The following TRIP12 variants were observed in gnomAD, a reference collection of about 807,000 sequenced individuals.
TRIP12 encodes thyroid hormone receptor interactor 12.
A neutral mutation model predicts 244.2 loss-of-function variants in TRIP12; 25 were observed. The ratio of observed to expected loss-of-function variants is 0.10; its 90% CI spans 0.07 to 0.14. The LOEUF (loss-of-function observed/expected upper bound fraction) is 0.14. Among genes scored for constraint, TRIP12 ranks in the 10% least tolerant of loss-of-function variants. TRIP12 has a pLI of 1.00. For missense variants in TRIP12, 1,677 were observed against 2,486.4 expected, an observed-to-expected ratio of 0.67 and a Z score of 6.92; for synonymous variants, 905 against 873.1, an observed-to-expected ratio of 1.04 and a Z score of -0.64.
intron 34 of TRIP12, among the ~76,000 whole-genome samples, chr2:229,779,284 G>C (rs2037301053): frequency 6.6e-6 from 1 of 152,252 alleles, no homozygotes; most frequent in Admixed American, 6.5e-5. Context: ...GAACAATATG[G>C]CATTGTCTGC....
Position 229,764,884 on chromosome 2 carries a change from C to G in TRIP12, c.*2670G>C, listed in dbSNP as rs1246710902. ...TATATCCTGCTAGTGAAAGTTCTGT[C>G]ACTACAAATGCAGGGAACCAGAGAC... is the stretch of plus-strand genomic sequence containing the variant. On this transcript the variant is annotated 3_prime_UTR_variant, in exon 42 of 42. Coordinates refer to ENST00000675903, the MANE Select transcript of TRIP12 (RefSeq NM_001348323.3). 6.6e-6 allele frequency: 1 copy of G among 152,204 alleles called. No individual in the cohort carries two copies. The highest frequency in any genetic ancestry group is 1.5e-5 in the Non-Finnish European group (1 of 68,042). The allele number at this position is 152,204 out of a possible 1,614,324, so 9.4% of individuals were successfully genotyped here.
intron 1 of TRIP12, among the ~76,000 whole-genome samples, chr2:229,920,509 C>T (rs2076298724): frequency 6.6e-6 from 1 of 152,086 alleles, no homozygotes; most frequent in South Asian, 2.1e-4. Flanking sequence ...AACACATTCC[C>T]TCCCCCAATT....
intron 38 of TRIP12, among the ~76,000 whole-genome samples, chr2:229,772,232 C>T (rs2034608177): frequency 6.6e-6 from 1 of 152,116 alleles, no homozygotes; most frequent in African/African-American, 2.4e-5. Flanking sequence ...AGAGAAACAA[C>T]ATTTTCAGAT....
chr2:229,894,098 C>T (rs2068078135), intron 1 of TRIP12, among the ~76,000 whole-genome samples: 2 of 151,958 alleles, frequency 1.3e-5, no homozygotes, highest in African/African-American at 4.8e-5. Context: ...GAGGCTGCAG[C>T]GAGCTGAGAT....
chr2:229,905,116 A>C (rs763349621), intron 1 of TRIP12, among the ~76,000 whole-genome samples: 2 of 152,190 alleles, frequency 1.3e-5, no homozygotes, highest in Non-Finnish European at 2.9e-5. Context: ...CTCTACTAAA[A>C]ATACAAAATT....
At chr2:229,858,705 T>C in intron 4 of TRIP12, 67 bp downstream of exon 4, 1 of 1,372,586 alleles carries the variant, frequency 7.3e-7, no homozygotes, top group Non-Finnish European at 9.9e-7. Flanking sequence ...CTTTAAAGCA[T>C]AATTGCTTTT....
chr2:229,833,814 G>A (rs541957027), intron 6 of TRIP12, among the ~76,000 whole-genome samples: 9 of 151,572 alleles, frequency 5.9e-5, no homozygotes, highest in African/African-American at 1.7e-4. Context: ...AAATTAGTTT[G>A]GTTTTACCAA....
At chr2:229,884,603 C>A (rs1417987501) in intron 1 of TRIP12, among the ~76,000 whole-genome samples, 3 of 151,930 alleles carry the variant, frequency 2.0e-5, no homozygotes. Context: ...CTAAAAAAAA[C>A]CCAAAACATT....
intron 1 of TRIP12, among the ~76,000 whole-genome samples, chr2:229,888,916 AAAGAG>A (rs1334467877): frequency 6.6e-6 from 1 of 152,218 alleles, no homozygotes; most frequent in African/African-American, 2.4e-5. Flanking sequence ...TAGACTTTAT[AAAGAG>A]AAGAGACAAT....
intron 1 of TRIP12, among the ~76,000 whole-genome samples, chr2:229,888,583 A>C (rs1385492256): frequency 6.6e-6 from 1 of 152,284 alleles, no homozygotes; most frequent in Admixed American, 6.5e-5. Flanking sequence ...AAAAATGTCC[A>C]TCAGATTTAG....
intron 8 of TRIP12, among the ~76,000 whole-genome samples, chr2:229,822,227 T>C (rs997911742): frequency 2.0e-5 from 3 of 151,938 alleles, no homozygotes; most frequent in African/African-American, 4.9e-5. Flanking sequence ...TGCAGTCTCA[T>C]GGTGCTCAGA....
At chr2:229,808,544 TTTGTGTAGA>T (rs1417213678) in intron 15 of TRIP12, among the ~76,000 whole-genome samples, 175 bp from the exon 16 acceptor site, 4 of 152,242 alleles carry the variant, frequency 2.6e-5, no homozygotes, top group Admixed American at 6.5e-5. Flanking sequence ...CTAAAAAAAA[TTTGTGTAGA>T]TTTTAACAAT....
intron 15 of TRIP12, 125 bp from the exon 16 acceptor site, chr2:229,808,494 G>T: frequency 1.5e-6 from 1 of 649,510 alleles, no homozygotes; most frequent in East Asian, 2.9e-5. Context: ...ACATAATGCA[G>T]AAATTAATGT....
At chr2:229,804,574 A>G (rs2154271084) in intron 18 of TRIP12, among the ~76,000 whole-genome samples, 1 of 152,328 alleles carries the variant, frequency 6.6e-6, no homozygotes, top group Admixed American at 6.5e-5. Context: ...TAAGAAACTG[A>G]GTTCTAGAAA....
intron 26 of TRIP12, 113 bp downstream of exon 26, chr2:229,795,066 G>T: frequency 1.6e-6 from 2 of 1,258,900 alleles, no homozygotes; most frequent in Non-Finnish European, 2.2e-6. Context: ...CATCATTACA[G>T]CTGAATGTTT....
chr2:229,899,983 G>A (rs1274894338), intron 1 of TRIP12, among the ~76,000 whole-genome samples: 1 of 152,152 alleles, frequency 6.6e-6, no homozygotes, highest in East Asian at 1.9e-4. Context: ...AAAACAAGTT[G>A]TTACATACAA....
In TRIP12 at chr2:229,827,157, G is replaced by A. The variant is rs567509946; in HGVS notation, c.1450+2036C>T. Among the ~76,000 whole-genome samples the A allele has an allele frequency of 5.9e-5, 9 of 152,068 alleles. No individual in the cohort carries two copies. In the East Asian group the frequency reaches 1.7e-3, roughly 29 times the overall value. On this transcript the variant is annotated intron_variant, in intron 8 of 41. Transcript: ENST00000675903. ...TAGCCAGACGTGGTGGCACGTGCCT[G>A]TAGTCCCAGCTACTGGGGAGGCTGA... is the stretch of plus-strand genomic sequence containing the variant.
intron 17 of TRIP12, 117 bp from the exon 18 acceptor site, chr2:229,806,000 T>C (rs2045784425): frequency 1.2e-6 from 1 of 811,292 alleles, no homozygotes; most frequent in Non-Finnish European, 1.8e-6. Context: ...AGGTTTTAGA[T>C]GGTGAAGTTA....
intron 7 of TRIP12, among the ~76,000 whole-genome samples, chr2:229,830,267 T>C (rs1263865522): frequency 6.6e-6 from 1 of 152,230 alleles, no homozygotes; most frequent in Non-Finnish European, 1.5e-5. Context: ...AACCCATTTA[T>C]GCTGCAGGTT....
Sources: gnomAD v4.1 joint callset for allele counts (sites outside exome capture counted in the v4.1 genomes callset) on GRCh38, gnomAD v4.1.1 for gene constraint, MANE v1.5 for transcripts, NCBI Gene and HGNC (gene_info 2026-07-23, HGNC 2026-07-21) for gene names.